LOC127898562: variants seen among roughly 807,000 people sequenced by gnomAD.
chr13:77,326,949 T>TC, the LOC127898562 span: 8 of 521,484 alleles, frequency 1.5e-5, no homozygotes, highest in Admixed American at 4.4e-5. The surrounding 1 kb of genome is among the most constrained non-coding windows in gnomAD (Gnocchi z 4.2). Context: ...CTTCTCCTCC[T>TC]CCCCCCCGCG....
At chr13:77,326,916 G>A in the LOC127898562 span, 5 of 723,214 alleles carry the variant, frequency 6.9e-6, no homozygotes, top group African/African-American at 1.9e-5. The surrounding 1 kb of genome is among the most constrained non-coding windows in gnomAD (Gnocchi z 4.2). Context: ...TACAAAGACA[G>A]CGACCTCCTT....
the LOC127898562 span, chr13:77,326,950 C>G: frequency 5.9e-5 from 31 of 525,504 alleles, no homozygotes; most frequent in Non-Finnish European, 8.7e-5. The surrounding 1 kb of genome is among the most constrained non-coding windows in gnomAD (Gnocchi z 4.2). Context: ...TTCTCCTCCT[C>G]CCCCCCGCGC....
chr13:77,326,954 C>T, the LOC127898562 span: 5 of 524,126 alleles, frequency 9.5e-6, no homozygotes, highest in Non-Finnish European at 1.5e-5. This position sits in a 1 kb window ranked among gnomAD's most constrained non-coding sequence, Gnocchi z 4.2. Context: ...CCTCCTCCCC[C>T]CCGCGCCGCC....
At chr13:77,326,935 C>T in the LOC127898562 span, 1 of 577,290 alleles carries the variant, frequency 1.7e-6, no homozygotes. The surrounding 1 kb of genome is among the most constrained non-coding windows in gnomAD (Gnocchi z 4.2). Flanking sequence ...TTCTCCTCCT[C>T]CTTCTTCTCC....
chr13:77,326,960 C>A, the LOC127898562 span: 2 of 513,556 alleles, frequency 3.9e-6, no homozygotes, highest in Non-Finnish European at 6.2e-6. The surrounding 1 kb of genome is among the most constrained non-coding windows in gnomAD (Gnocchi z 4.2). Flanking sequence ...CCCCCCCGCG[C>A]CGCCCTCGCC....
At chr13:77,326,979 G>A in the LOC127898562 span, 2 of 485,546 alleles carry the variant, frequency 4.1e-6, no homozygotes, top group Non-Finnish European at 6.8e-6. This position sits in a 1 kb window ranked among gnomAD's most constrained non-coding sequence, Gnocchi z 4.2. Flanking sequence ...CCGCTACTGG[G>A]GCCGCTCATC....
chr13:77,326,937 T>C, the LOC127898562 span: 1 of 573,168 alleles, frequency 1.7e-6, no homozygotes, highest in Non-Finnish European at 2.7e-6. This position sits in a 1 kb window ranked among gnomAD's most constrained non-coding sequence, Gnocchi z 4.2. Context: ...CTCCTCCTCC[T>C]TCTTCTCCTC....
chr13:77,326,929 C>T, the LOC127898562 span: 12 of 621,586 alleles, frequency 1.9e-5, no homozygotes, highest in Non-Finnish European at 2.9e-5. The surrounding 1 kb of genome is among the most constrained non-coding windows in gnomAD (Gnocchi z 4.2). Context: ...ACCTCCTTCT[C>T]CTCCTCCTTC....
chr13:77,326,906 T>TTTG, the LOC127898562 span: 1 of 831,782 alleles, frequency 1.2e-6, no homozygotes, highest in Non-Finnish European at 1.7e-6. This position sits in a 1 kb window ranked among gnomAD's most constrained non-coding sequence, Gnocchi z 4.2. Context: ...GCAGGGAGAC[T>TTTG]ACAAAGACAG....
At chr13:77,326,939 C>T in the LOC127898562 span, 1 of 566,392 alleles carries the variant, frequency 1.8e-6, no homozygotes, top group Non-Finnish European at 2.7e-6. The surrounding 1 kb of genome is among the most constrained non-coding windows in gnomAD (Gnocchi z 4.2). Flanking sequence ...CCTCCTCCTT[C>T]TTCTCCTCCT....
the LOC127898562 span, chr13:77,326,915 A>G: frequency 1.4e-6 from 1 of 725,208 alleles, no homozygotes. The surrounding 1 kb of genome is among the most constrained non-coding windows in gnomAD (Gnocchi z 4.2). Context: ...CTACAAAGAC[A>G]GCGACCTCCT....
chr13:77,326,987 A>C, the LOC127898562 span: 1 of 459,950 alleles, frequency 2.2e-6, no homozygotes, highest in South Asian at 6.2e-5. This position sits in a 1 kb window ranked among gnomAD's most constrained non-coding sequence, Gnocchi z 4.2. Flanking sequence ...GGGGCCGCTC[A>C]TCTAACCCCG....
the LOC127898562 span, chr13:77,326,919 A>C: frequency 8.7e-6 from 6 of 687,274 alleles, no homozygotes; most frequent in South Asian, 8.7e-5. The surrounding 1 kb of genome is among the most constrained non-coding windows in gnomAD (Gnocchi z 4.2). Flanking sequence ...AAAGACAGCG[A>C]CCTCCTTCTC....
At chr13:77,326,914 C>G in the LOC127898562 span, 13 of 735,040 alleles carry the variant, frequency 1.8e-5, no homozygotes, top group Non-Finnish European at 2.1e-5. This position sits in a 1 kb window ranked among gnomAD's most constrained non-coding sequence, Gnocchi z 4.2. Flanking sequence ...ACTACAAAGA[C>G]AGCGACCTCC....
At chr13:77,326,975 C>T in the LOC127898562 span, 1 of 490,820 alleles carries the variant, frequency 2.0e-6, no homozygotes, top group Non-Finnish European at 3.3e-6. The surrounding 1 kb of genome is among the most constrained non-coding windows in gnomAD (Gnocchi z 4.2). Context: ...CTCGCCGCTA[C>T]TGGGGCCGCT....
At chr13:77,326,944 C>A in the LOC127898562 span, 1 of 548,210 alleles carries the variant, frequency 1.8e-6, no homozygotes, top group Non-Finnish European at 2.8e-6. This position sits in a 1 kb window ranked among gnomAD's most constrained non-coding sequence, Gnocchi z 4.2. Context: ...TCCTTCTTCT[C>A]CTCCTCCCCC....
At chr13:77,326,935 CCTT>C in the LOC127898562 span, 1 of 577,290 alleles carries the variant, frequency 1.7e-6, no homozygotes. This position sits in a 1 kb window ranked among gnomAD's most constrained non-coding sequence, Gnocchi z 4.2. Context: ...TTCTCCTCCT[CCTT>C]CTTCTCCTCC....
the LOC127898562 span, chr13:77,326,968 G>A: frequency 7.9e-6 from 4 of 504,892 alleles, no homozygotes; most frequent in East Asian, 3.5e-5. The surrounding 1 kb of genome is among the most constrained non-coding windows in gnomAD (Gnocchi z 4.2). Flanking sequence ...CGCCGCCCTC[G>A]CCGCTACTGG....
chr13:77,326,954 C>G, the LOC127898562 span: 11 of 524,244 alleles, frequency 2.1e-5, no homozygotes, highest in Admixed American at 8.7e-5. The surrounding 1 kb of genome is among the most constrained non-coding windows in gnomAD (Gnocchi z 4.2). Context: ...CCTCCTCCCC[C>G]CCGCGCCGCC....
Sources: allele counts gnomAD v4.1 joint callset, GRCh38; gene constraint gnomAD v4.1.1; non-coding constraint Gnocchi (gnomAD v3.1); transcripts MANE v1.5.